Variants in EVPL observed in about 807,000 individuals in gnomAD.
EVPL encodes the protein envoplakin, also known as 210 kDa cornified envelope precursor protein.
A neutral mutation model predicts 129.7 loss-of-function variants in EVPL; 94 were observed. The ratio of observed to expected loss-of-function variants is 0.72; its 90% CI spans 0.61 to 0.86. The LOEUF (loss-of-function observed/expected upper bound fraction) is 0.86, where lower values mean the gene tolerates loss of function less well. Ranked by LOEUF, EVPL falls within the 40% of genes least tolerant of loss-of-function variation. The pLI, the probability that EVPL is intolerant of heterozygous loss-of-function variation, is 0.00. For missense variants in EVPL, 2,625 were observed against 2,721.1 expected (o/e 0.96, Z 0.79); for synonymous variants, 1,172 against 1,191.1 (o/e 0.98, Z 0.33).
intron 16 of EVPL, 39 bp downstream of exon 16, chr17:76,015,188 G>T: frequency 6.4e-7 from 1 of 1,562,942 alleles, no homozygotes; most frequent in Non-Finnish European, 8.7e-7. Flanking sequence ...CTGAATGCTG[G>T]GTTCCCCTGA....
Position 76,018,520 on chromosome 17 carries a change from C to A in EVPL, c.1365G>T (p.Gly455=). The change falls in exon 12 of 22, where the codon GGG becomes GGT. Residue 455 remains glycine (G), a synonymous_variant. Transcript: ENST00000301607. Reference sequence around the variant, plus strand: ...AGGCGGCGGGAGCACGCTTGGTCTCCCCGCCAGGGCCCTGCACGACCCAGG... The same window carrying A: ...AGGCGGCGGGAGCACGCTTGGTCTCACCGCCAGGGCCCTGCACGACCCAGG... ...PHAWVVQGPG[G]ETKRAPAACF... is the part of the protein sequence containing the mutation. 1 of 1,612,728 alleles carries A rather than the reference C, an allele frequency of 6.2e-7. No individual in the cohort carries two copies. Among genetic ancestry groups the A allele is most frequent in the Non-Finnish European group, 8.5e-7 (1 of 1,179,900 alleles).
chr17:76,009,819 G>C lies in EVPL; in HGVS notation c.3386C>G (p.Ser1129Trp), dbSNP rs757898505. 1.2e-6 allele frequency: 2 copies of C among 1,613,860 alleles called. No individual in the cohort carries two copies. Among genetic ancestry groups the C allele is most frequent in the Admixed American group, 1.7e-5 (1 of 60,008 alleles). ...CTTCACGATGACCTTGGGCTCCACC[G>C]AGCTGATAGCCCGCTCCAGGTCTTC... Reference protein sequence around the residue: ...RIEDLERAISSVEPKVIVKEV... With the variant: ...RIEDLERAISWVEPKVIVKEV... The change falls in exon 22 of 22, where the codon TCG becomes TGG. Residue 1129 changes from serine (S) to tryptophan (W), a missense_variant. By Grantham distance (177) the Ser-to-Trp change is radical. Around this residue, in one of 4 missense-constraint regions of EVPL, gnomAD observed 1,453 missense variants for 1,511.8 expected, o/e 0.96. Coordinates refer to ENST00000301607, the MANE Select transcript of EVPL (RefSeq NM_001988.4). This position sits in a 1 kb window ranked among gnomAD's most constrained non-coding sequence, Gnocchi z 5.9.
rs766439064 is a variant in EVPL, at chr17:76,015,277, G to A, written c.1978C>T (p.Pro660Ser). The change falls in exon 16 of 22, where the codon CCC becomes TCC. Residue 660 changes from proline (P) to serine (S), a missense_variant. By Grantham distance (74) the Pro-to-Ser change is moderately conservative (BLOSUM62 -1). This residue lies in a region of EVPL where 1,024 missense variants were observed against 997.5 expected (regional missense o/e 1.03). Transcript: ENST00000301607. ...GFEATLVQEA[P>S]IPAEPGALQE... ...AGAGCCCCCGGTTCAGCAGGGATGGGGGCCTCCTGCACCAGGGTGGCCTCG... is the reference window on the plus strand; with the variant it reads ...AGAGCCCCCGGTTCAGCAGGGATGGAGGCCTCCTGCACCAGGGTGGCCTCG... 1 of 1,602,724 alleles carries A rather than the reference G, an allele frequency of 6.2e-7. No individual in the cohort carries two copies. The highest frequency in any genetic ancestry group is 2.2e-5 in the East Asian group (1 of 44,680).
In EVPL at chr17:76,019,034, G is replaced by T; in HGVS notation, c.1164C>A (p.Thr388=). Residue 388 remains threonine, a synonymous_variant, in exon 11 of 22, where the codon ACC becomes ACA. Transcript: ENST00000301607. Reference sequence around the variant, plus strand: ...GCTGCAGGTCCCCAGTGGCCCTCTCGGTGACGGCCAGCCGTTTTTCCTCTG... The same window carrying T: ...GCTGCAGGTCCCCAGTGGCCCTCTCTGTGACGGCCAGCCGTTTTTCCTCTG... ...LEAEEKRLAV[T]ERATGDLQRR... 1 of 1,577,754 alleles carries T rather than the reference G, an allele frequency of 6.3e-7. No homozygotes were observed. Among genetic ancestry groups the T allele is most frequent in the Non-Finnish European group, 8.6e-7 (1 of 1,169,186 alleles).
chr17:76,025,077 C>G (rs1172452897), intron 1 of EVPL, among the ~76,000 whole-genome samples: 2 of 152,234 alleles, frequency 1.3e-5, no homozygotes, highest in Admixed American at 6.5e-5. Flanking sequence ...ACCCTGGTTT[C>G]ATCTTTCTCC....
At position 76,007,661 on chromosome 17, in the gene EVPL, G is replaced by T; in HGVS notation, c.5544C>A (p.Asn1848Lys). Residue 1848 changes from asparagine (N) to lysine (K), a missense_variant, in exon 22 of 22, where the codon AAC becomes AAA. By Grantham distance (94) the Asn-to-Lys change is moderately conservative. Around this residue, in one of 4 missense-constraint regions of EVPL, gnomAD observed 1,453 missense variants for 1,511.8 expected, o/e 0.96. Transcript: ENST00000301607. This position sits in a 1 kb window ranked among gnomAD's most constrained non-coding sequence, Gnocchi z 8.8. ...KCSIKTAVAKNMLDPITGQKL... is the reference protein window; with the variant it reads ...KCSIKTAVAKKMLDPITGQKL... ...TCTGCCCAGTGATGGGGTCCAGCAT[G>T]TTCTTGGCCACGGCCGTCTTGATGC... The T allele has an allele frequency of 6.2e-7, 1 of 1,613,874 alleles. No homozygotes were observed. Among genetic ancestry groups the T allele is most frequent in the Non-Finnish European group, 8.5e-7 (1 of 1,180,032 alleles).
intron 11 of EVPL, 72 bp from the exon 12 acceptor site, chr17:76,018,672 CTGGGGACAGAGACAAA>C: frequency 1.3e-6 from 2 of 1,489,356 alleles, no homozygotes; most frequent in Non-Finnish European, 1.8e-6. Flanking sequence ...AGAGTAGGGG[CTGGGGACAGAGACAAA>C]TGGGGACAGC....
At chr17:76,016,915 C>T (rs531695838) in intron 14 of EVPL, among the ~76,000 whole-genome samples, 1 of 151,478 alleles carries the variant, frequency 6.6e-6, no homozygotes, top group Non-Finnish European at 1.5e-5. Flanking sequence ...GACCCCATCT[C>T]ATAAAACAAA....
intron 14 of EVPL, among the ~76,000 whole-genome samples, chr17:76,016,450 C>A (rs1036159814): frequency 6.6e-6 from 1 of 152,220 alleles, no homozygotes; most frequent in Non-Finnish European, 1.5e-5. Flanking sequence ...TCTCCTGGAC[C>A]CCAACACCGC....
At chr17:76,012,309 C>CTTT (rs2066383831) in intron 18 of EVPL, 4 of 334,468 alleles carry the variant, frequency 1.2e-5, no homozygotes, top group East Asian at 4.8e-5. Context: ...CCCTTTCTTT[C>CTTT]CTTTTTTTTT....
intron 2 of EVPL, 77 bp from the exon 3 acceptor site, chr17:76,023,731 C>G: frequency 6.9e-7 from 1 of 1,456,832 alleles, no homozygotes; most frequent in Non-Finnish European, 9.0e-7. Context: ...TGGGCCTGAG[C>G]CCCAACTTTG....
chr17:76,011,928 G>A (rs1354130666), intron 19 of EVPL, 46 bp from the exon 20 acceptor site: 6 of 1,603,420 alleles, frequency 3.7e-6, no homozygotes, highest in Admixed American at 1.7e-5. Flanking sequence ...AGTGGGGGAG[G>A]CTGGGTGTGG....
chr17:76,016,010 A>C (rs2066417155), intron 14 of EVPL, among the ~76,000 whole-genome samples: 2 of 152,120 alleles, frequency 1.3e-5, no homozygotes, highest in South Asian at 2.1e-4. Flanking sequence ...CGGCCGTAGC[A>C]GCGCGCACCT....
chr17:76,009,609 A>C lies in EVPL; in HGVS notation c.3596T>G (p.Ile1199Ser). The C allele has an allele frequency of 1.9e-6, 3 of 1,613,710 alleles. No homozygotes were observed. Among genetic ancestry groups the C allele is most frequent in the Non-Finnish European group, 1.7e-6 (2 of 1,179,960 alleles). Reference sequence around the variant, plus strand: ...CTCTGTCTCCGGATCCACCTGGAAGATCTCGTGGACGCGCTCCTGGAGCTG... The same window carrying C: ...CTCTGTCTCCGGATCCACCTGGAAGCTCTCGTGGACGCGCTCCTGGAGCTG... Reference protein sequence around the residue: ...KVQLQERVHEIFQVDPETEQE... With the variant: ...KVQLQERVHESFQVDPETEQE... Residue 1199 changes from isoleucine (I) to serine (S), a missense_variant, in exon 22 of 22, where the codon ATC (isoleucine) becomes AGC (serine). This residue lies in a region of EVPL where 1,453 missense variants were observed against 1,511.8 expected (regional missense o/e 0.96). Coordinates refer to ENST00000301607, the MANE Select transcript of EVPL (RefSeq NM_001988.4). The surrounding 1 kb of genome is among the most constrained non-coding windows in gnomAD (Gnocchi z 5.9).
Position 76,008,154 on chromosome 17 carries a change from G to C in EVPL, c.5051C>G (p.Thr1684Ser). The change falls in exon 22 of 22, where the codon ACC (threonine) becomes AGC (serine). Residue 1684 changes from threonine to serine, a missense_variant. Transcript: ENST00000301607. This position sits in a 1 kb window ranked among gnomAD's most constrained non-coding sequence, Gnocchi z 7.4. ...CTCGGGTTCCAGGATGGAGATCTTGGTGGAAAGGTTGGTCTCTCGCGTCTG... is the reference window on the plus strand; with the variant it reads ...CTCGGGTTCCAGGATGGAGATCTTGCTGGAAAGGTTGGTCTCTCGCGTCTG... ...ETQTRETNLS[T>S]KISILEPETG... The C allele has an allele frequency of 6.2e-7, 1 of 1,614,186 alleles. No homozygotes were observed. Among genetic ancestry groups the C allele is most frequent in the Non-Finnish European group, 8.5e-7 (1 of 1,180,038 alleles).
chr17:76,008,153 G>A lies in EVPL; in HGVS notation c.5052C>T (p.Thr1684=). Residue 1684 remains threonine (T), a synonymous_variant, in exon 22 of 22, where the codon ACC becomes ACT. Transcript: ENST00000301607. This position sits in a 1 kb window ranked among gnomAD's most constrained non-coding sequence, Gnocchi z 7.4. ...ETQTRETNLS[T]KISILEPETG... Reference sequence around the variant, plus strand: ...TCTCGGGTTCCAGGATGGAGATCTTGGTGGAAAGGTTGGTCTCTCGCGTCT... The same window carrying A: ...TCTCGGGTTCCAGGATGGAGATCTTAGTGGAAAGGTTGGTCTCTCGCGTCT... 1.9e-6 allele frequency: 3 copies of A among 1,614,174 alleles called. No individual in the cohort carries two copies. The highest frequency in any genetic ancestry group is 2.5e-6 in the Non-Finnish European group (3 of 1,180,026).
rs764062616 is a variant in EVPL, at chr17:76,010,187, C to T, written c.3018G>A (p.Lys1006=). 114 of 1,613,972 alleles carry T rather than the reference C, an allele frequency of 7.1e-5. No individual in the cohort carries two copies. The highest frequency in any genetic ancestry group is 9.1e-5 in the Non-Finnish European group (107 of 1,180,046). ...AAQKVVQLES[K]RKTMQPHLLT... The stretch of plus-strand genomic sequence containing the variant: ...GCAGATGAGGCTGCATGGTCTTCCT[C>T]TTGCTTTCCAGCTGCACGACCTTCT... The change falls in exon 22 of 22, where the codon AAG becomes AAA. Residue 1006 remains lysine (K), a synonymous_variant. Transcript: ENST00000301607.
Position 76,021,854 on chromosome 17 carries a change from T to A in EVPL, c.807+13A>T. Reference sequence around the variant, plus strand: ...TGGCCGCCCCCACCTGGCCCCGACCTCTGCCAGCCGACCTCGTACTCCCGC... The same window carrying A: ...TGGCCGCCCCCACCTGGCCCCGACCACTGCCAGCCGACCTCGTACTCCCGC... On this transcript the variant is annotated intron_variant, in intron 7 of 21. Coordinates refer to ENST00000301607, the MANE Select transcript of EVPL (RefSeq NM_001988.4). The A allele has an allele frequency of 6.4e-7, 1 of 1,560,736 alleles. No homozygotes were observed. The highest frequency in any genetic ancestry group is 8.6e-7 in the Non-Finnish European group (1 of 1,160,054).
chr17:76,016,527 AT>A (rs2066420297), intron 14 of EVPL, among the ~76,000 whole-genome samples: 1 of 152,162 alleles, frequency 6.6e-6, no homozygotes, highest in South Asian at 2.1e-4. Context: ...AGACAGGGGG[AT>A]TGTTTGAGAC....
Sources: allele counts gnomAD v4.1 joint callset (sites outside exome capture counted in the v4.1 genomes callset), GRCh38; gene constraint gnomAD v4.1.1; regional missense constraint gnomAD v4.1.1; non-coding constraint Gnocchi (gnomAD v3.1); transcripts MANE v1.5; gene names NCBI Gene and HGNC (gene_info 2026-07-23, HGNC 2026-07-21).